Variants in SETBP1 observed in about 807,000 individuals in gnomAD.
SETBP1 encodes the protein SET-binding protein.
SETBP1 carries 9 observed loss-of-function variants against 101.0 expected under a neutral mutation model. The ratio of observed to expected loss-of-function variants is 0.09; its 90% CI spans 0.05 to 0.16. SETBP1 has a LOEUF of 0.16. Ranked by LOEUF, SETBP1 falls within the 10% of genes least tolerant of loss-of-function variation. SETBP1 has a pLI of 1.00. For synonymous variants in SETBP1, 818 were observed against 788.5 expected, an observed-to-expected ratio of 1.04 and a Z score of -0.63; for missense variants, 1,858 against 2,033.8, an observed-to-expected ratio of 0.91 and a Z score of 1.66.
At chr18:44,711,906 G>T (rs1040814995) in intron 2 of SETBP1, among the ~76,000 whole-genome samples, 1 of 151,850 alleles carries the variant, frequency 6.6e-6, no homozygotes, top group Non-Finnish European at 1.5e-5. Context: ...GAAGGCAAGG[G>T]CCTCCCTGTA....
At chr18:45,013,078 A>C (rs962622776) in intron 4 of SETBP1, among the ~76,000 whole-genome samples, 3 of 152,250 alleles carry the variant, frequency 2.0e-5, no homozygotes, top group Non-Finnish European at 4.4e-5. Flanking sequence ...TGGCTTTGTC[A>C]AGCTCACAAC....
intron 2 of SETBP1, among the ~76,000 whole-genome samples, chr18:44,726,180 T>G (rs1414469273): frequency 6.6e-6 from 1 of 152,216 alleles, no homozygotes; most frequent in African/African-American, 2.4e-5. Flanking sequence ...CTTTAACAAC[T>G]AACTCATGTG....
chr18:44,737,324 A>T (rs917496001), intron 2 of SETBP1, among the ~76,000 whole-genome samples: 4 of 152,180 alleles, frequency 2.6e-5, no homozygotes, highest in African/African-American at 9.7e-5. Context: ...GTCTGAGGTG[A>T]GTATAGCCCA....
intron 2 of SETBP1, among the ~76,000 whole-genome samples, chr18:44,742,731 AG>A (rs2070126435): frequency 6.6e-6 from 1 of 152,150 alleles, no homozygotes; most frequent in African/African-American, 2.4e-5. Flanking sequence ...AGCAACCTCC[AG>A]GGTGTCTCCC....
At chr18:44,884,105 TTAAG>T (rs1191719220) in intron 3 of SETBP1, among the ~76,000 whole-genome samples, 1 of 152,132 alleles carries the variant, frequency 6.6e-6, no homozygotes, top group Non-Finnish European at 1.5e-5. Context: ...TCTGGATACT[TTAAG>T]TAGCATCCAA....
chr18:45,051,608 C>T (rs568559366), intron 5 of SETBP1, among the ~76,000 whole-genome samples: 18 of 152,194 alleles, frequency 1.2e-4, no homozygotes, highest in Admixed American at 5.2e-4. Context: ...CAAAAAAGAC[C>T]ATTCCTTCCC....
intron 1 of SETBP1, among the ~76,000 whole-genome samples, chr18:44,690,687 C>CT (rs2068915949): frequency 6.6e-6 from 1 of 152,196 alleles, no homozygotes; most frequent in African/African-American, 2.4e-5. Context: ...AATCCCTCAA[C>CT]TTTAATTTTC....
At chr18:44,995,122 A>G (rs2072461624) in intron 4 of SETBP1, among the ~76,000 whole-genome samples, 1 of 148,616 alleles carries the variant, frequency 6.7e-6, no homozygotes, top group Non-Finnish European at 1.5e-5. Flanking sequence ...TAGACAACTG[A>G]CCATGTTATT....
At chr18:44,992,310 C>T (rs140951122) in intron 4 of SETBP1, among the ~76,000 whole-genome samples, 4 of 151,866 alleles carry the variant, frequency 2.6e-5, no homozygotes, top group African/African-American at 7.2e-5. Context: ...TCAATAAAGC[C>T]GACATTTTTT....
intron 4 of SETBP1, among the ~76,000 whole-genome samples, chr18:44,977,142 G>A (rs975781174): frequency 1.3e-5 from 2 of 152,198 alleles, no homozygotes; most frequent in Non-Finnish European, 2.9e-5. Flanking sequence ...AACCCCCATG[G>A]CATTGAAAAG....
intron 4 of SETBP1, among the ~76,000 whole-genome samples, chr18:44,977,739 G>A (rs75710879): frequency 1.5e-4 from 23 of 152,308 alleles, no homozygotes; most frequent in East Asian, 5.8e-4. Context: ...CAATGTGGCC[G>A]ATAAACATGG....
At chr18:44,852,974 A>C (rs907561403) in intron 2 of SETBP1, among the ~76,000 whole-genome samples, 2 of 152,226 alleles carry the variant, frequency 1.3e-5, no homozygotes, top group Non-Finnish European at 2.9e-5. Context: ...AAGGGAGATA[A>C]GTGGAATTCA....
intron 4 of SETBP1, among the ~76,000 whole-genome samples, chr18:45,011,848 A>G (rs889236036): frequency 6.6e-6 from 1 of 152,224 alleles, no homozygotes; most frequent in East Asian, 1.9e-4. Flanking sequence ...ATCTGAATTA[A>G]AGAAAATAAT....
At chr18:44,850,353 T>G (rs1411405016) in intron 2 of SETBP1, among the ~76,000 whole-genome samples, 1 of 150,172 alleles carries the variant, frequency 6.7e-6, no homozygotes, top group Non-Finnish European at 1.5e-5. Context: ...TCGGCCCAGA[T>G]GGCTTCTTTT....
intron 4 of SETBP1, among the ~76,000 whole-genome samples, chr18:44,968,613 G>A (rs1023074598): frequency 6.6e-6 from 1 of 152,198 alleles, no homozygotes; most frequent in Admixed American, 6.5e-5. Context: ...GTCTTATGCT[G>A]ATTAGTATGG....
chr18:44,850,682 C>T (rs752002160), intron 2 of SETBP1, among the ~76,000 whole-genome samples: 61 of 152,074 alleles, frequency 4.0e-4, no homozygotes, highest in Non-Finnish European at 6.9e-4. Context: ...CAGATGGCTT[C>T]TTATATCAGG....
intron 2 of SETBP1, among the ~76,000 whole-genome samples, chr18:44,711,754 G>C (rs992962695): frequency 1.3e-5 from 2 of 149,394 alleles, no homozygotes; most frequent in Admixed American, 1.3e-4. Flanking sequence ...TGTTGCCCAG[G>C]CTGGTCCTGA....
intron 2 of SETBP1, among the ~76,000 whole-genome samples, chr18:44,773,838 A>ATGCGTGTGTGTGTGTG (rs2070932490): frequency 7.5e-6 from 1 of 134,174 alleles, no homozygotes; most frequent in African/African-American, 2.8e-5. Flanking sequence ...CTCTCTGTTT[A>ATGCGTGTGTGTGTGTG]TGTGTGTGTG....
intron 3 of SETBP1, among the ~76,000 whole-genome samples, chr18:44,945,220 A>C (rs945056086): frequency 2.0e-5 from 3 of 152,222 alleles, no homozygotes; most frequent in Non-Finnish European, 2.9e-5. Context: ...AAATTTTTGC[A>C]ATCTACTCAA....
Sources: gnomAD v4.1 joint callset for allele counts (sites outside exome capture counted in the v4.1 genomes callset) on GRCh38, gnomAD v4.1.1 for gene constraint, MANE v1.5 for transcripts, NCBI Gene and HGNC (gene_info 2026-07-23, HGNC 2026-07-21) for gene names.